The following DMD variants were observed in gnomAD, a reference collection of about 807,000 sequenced individuals.
DMD encodes the protein mutant dystrophin.
Under a neutral mutation model 330.1 loss-of-function variants are expected in DMD, and 63 were observed. The ratio of observed to expected loss-of-function variants is 0.19; its 90% CI spans 0.16 to 0.24. DMD has a LOEUF of 0.24. Among genes scored for constraint, DMD ranks in the 10% least tolerant of loss-of-function variants. DMD has a pLI of 1.00. For missense variants in DMD, 3,344 were observed against 2,684.1 expected (o/e 1.25, Z -5.43); for synonymous variants, 1,223 against 959.8 (o/e 1.27, Z -5.07).
rs368599298 is a variant in DMD, at chrX:31,438,087, C to T, written c.9084+6394G>A. Among the ~76,000 whole-genome samples the T allele has an allele frequency of 1.7e-4, 19 of 109,828 alleles. No homozygotes were observed. The East Asian group carries it at 3.4e-3, about 20-fold the overall frequency. On this transcript the variant is annotated intron_variant, in intron 60 of 78. Coordinates refer to ENST00000357033, the MANE Select transcript of DMD (RefSeq NM_004006.3). ...TTCTGGGGATCTATTAACAGTTTCCCTTCATCCTCCACGTTTCCCTTTATC... is the reference window on the plus strand; with the variant it reads ...TTCTGGGGATCTATTAACAGTTTCCTTTCATCCTCCACGTTTCCCTTTATC...
chrX:31,729,147 A>G (rs1026005277), intron 52 of DMD, among the ~76,000 whole-genome samples: 1 of 112,190 alleles, frequency 8.9e-6, no homozygotes, highest in Non-Finnish European at 1.9e-5. Context: ...CATAAGGTAC[A>G]GTACGATGAT....
At chrX:32,468,134 A>T (rs228391) in intron 23 of DMD, among the ~76,000 whole-genome samples, 2 of 108,770 alleles carry the variant, frequency 1.8e-5, no homozygotes, top group Non-Finnish European at 3.8e-5. Context: ...ATACCTCTGT[A>T]TAATGTATAT....
chrX:32,390,676 TTTTTA>T (rs58438960), intron 30 of DMD, among the ~76,000 whole-genome samples: 62 of 111,166 alleles, frequency 5.6e-4, no homozygotes, highest in African/African-American at 1.7e-3. Flanking sequence ...AATTACCTTC[TTTTTA>T]TTTTATTTTA....
chrX:32,912,740 G>T (rs946731500), intron 2 of DMD, among the ~76,000 whole-genome samples: 2 of 111,369 alleles, frequency 1.8e-5, no homozygotes, highest in Non-Finnish European at 3.8e-5. Flanking sequence ...ACATATATAT[G>T]TAGCAAGACT....
intron 2 of DMD, among the ~76,000 whole-genome samples, chrX:33,010,020 ATG>A (rs1189495868): frequency 7.8e-5 from 4 of 51,308 alleles, no homozygotes; most frequent in African/African-American, 4.5e-4. Flanking sequence ...ATATACACAT[ATG>A]TGTGTACATG....
intron 44 of DMD, among the ~76,000 whole-genome samples, chrX:32,204,942 A>G (rs1028389550): frequency 1.0e-5 from 1 of 100,217 alleles, no homozygotes; most frequent in Admixed American, 1.1e-4. Context: ...ATCACATTTC[A>G]ATATAAGATT....
intron 2 of DMD, among the ~76,000 whole-genome samples, chrX:33,008,973 T>G (rs768373852): frequency 3.2e-5 from 3 of 94,518 alleles, no homozygotes; most frequent in Non-Finnish European, 4.4e-5. Context: ...TATGTGTATA[T>G]ACACTTATGT....
chrX:32,728,159 T>A (rs2067112535), intron 7 of DMD, among the ~76,000 whole-genome samples: 1 of 111,190 alleles, frequency 9.0e-6, no homozygotes, highest in Admixed American at 9.7e-5. Context: ...CTTACACTGC[T>A]TGTACTAAAA....
intron 1 of DMD, among the ~76,000 whole-genome samples, chrX:33,046,457 A>C (rs1238204216): frequency 9.0e-6 from 1 of 111,703 alleles, no homozygotes; most frequent in Non-Finnish European, 1.9e-5. Context: ...ATTTTGACTA[A>C]TGTCTGCACA....
intron 6 of DMD, among the ~76,000 whole-genome samples, chrX:32,813,344 A>G (rs1168121231): frequency 8.9e-6 from 1 of 111,870 alleles, no homozygotes; most frequent in Non-Finnish European, 1.9e-5. Context: ...ATTGACTTGC[A>G]ACCAAGGATC....
chrX:32,461,914 T>A (rs2098384750), intron 25 of DMD, among the ~76,000 whole-genome samples: 2 of 110,960 alleles, frequency 1.8e-5, no homozygotes, highest in Admixed American at 9.6e-5. Context: ...ACAGAACCAA[T>A]GAACACTTGT....
intron 60 of DMD, among the ~76,000 whole-genome samples, chrX:31,390,672 T>C (rs1207556337): frequency 9.0e-6 from 1 of 111,614 alleles, no homozygotes; most frequent in African/African-American, 3.3e-5. Flanking sequence ...CATTTCTCTC[T>C]ATTTCCATTG....
chrX:32,807,144 A>AAC (rs1557046243), intron 7 of DMD, among the ~76,000 whole-genome samples: 2 of 103,770 alleles, frequency 1.9e-5, no homozygotes, highest in Non-Finnish European at 3.9e-5. Flanking sequence ...AAAAAAAAAA[A>AAC]AAAAACATCA....
chrX:32,762,472 A>G (rs1251001263), intron 7 of DMD, among the ~76,000 whole-genome samples: 1 of 111,604 alleles, frequency 9.0e-6, no homozygotes, highest in African/African-American at 3.3e-5. Flanking sequence ...TAAGCTAGAT[A>G]ATCAAACAAG....
chrX:32,500,516 G>A (rs2043943826), intron 19 of DMD, among the ~76,000 whole-genome samples: 1 of 111,703 alleles, frequency 9.0e-6, no homozygotes, highest in African/African-American at 3.2e-5. Flanking sequence ...ACCATTTAAA[G>A]TATAGCTCTT....
intron 43 of DMD, among the ~76,000 whole-genome samples, chrX:32,272,647 T>C (rs752600268): frequency 5.5e-4 from 61 of 111,830 alleles, no homozygotes; most frequent in African/African-American, 1.8e-3. Context: ...ATGTGTGAGC[T>C]TAAGACAATT....
intron 2 of DMD, among the ~76,000 whole-genome samples, chrX:33,003,908 A>G (rs770482605): frequency 4.4e-5 from 5 of 112,509 alleles, no homozygotes; most frequent in Non-Finnish European, 7.5e-5. Flanking sequence ...TGATACTACA[A>G]TCAGTAATAT....
intron 48 of DMD, among the ~76,000 whole-genome samples, chrX:31,873,918 C>G (rs1021772172): frequency 6.3e-5 from 7 of 111,517 alleles, no homozygotes; most frequent in Non-Finnish European, 1.3e-4. Context: ...CACAAGTAAG[C>G]ATCATTTACT....
intron 2 of DMD, among the ~76,000 whole-genome samples, chrX:32,949,973 A>AGGTGCAGAGGC (rs1569545154): frequency 9.1e-6 from 1 of 110,238 alleles, no homozygotes; most frequent in Admixed American, 9.8e-5. Flanking sequence ...GGCAAAAAAA[A>AGGTGCAGAGGC]AAAAAAAAAT....
Sources: allele counts gnomAD v4.1 joint callset (sites outside exome capture counted in the v4.1 genomes callset), GRCh38; gene constraint gnomAD v4.1.1; transcripts MANE v1.5; gene names NCBI Gene and HGNC (gene_info 2026-07-23, HGNC 2026-07-21).